PEBP4: variants seen among roughly 807,000 people sequenced by gnomAD.
The protein encoded by PEBP4 is phosphatidylethanolamine binding protein 4.
In PEBP4, 22 loss-of-function variants were observed where a neutral mutation model predicts 23.9. The ratio of observed to expected loss-of-function variants is 0.92; its 90% CI spans 0.66 to 1.31. The LOEUF is 1.31. PEBP4 is among the 40% of genes most tolerant of loss of function. PEBP4 has a pLI of 0.00. For synonymous variants in PEBP4, 112 were observed against 99.3 expected (o/e 1.13, Z -0.76); for missense variants, 324 against 281.7 (o/e 1.15, Z -1.07).
At chr8:22,841,229 G>A (rs569304918) in intron 3 of PEBP4, among the ~76,000 whole-genome samples, 40 of 152,394 alleles carry the variant, frequency 2.6e-4, no homozygotes, top group Non-Finnish European at 5.0e-4. Flanking sequence ...GTCTGACTGC[G>A]AAGCAGCGGC....
rs185615666 is a variant in PEBP4 at position 22,753,872 on chromosome 8, C to T, written c.358-26652G>A. ...ATGGGCTACCGCCTGGACAGCTGTG[C>T]GGGGAACAGAGCACATCTGTCTGGG... On this transcript the variant is annotated intron_variant, in intron 4 of 6. Coordinates refer to ENST00000256404, the MANE Select transcript of PEBP4 (RefSeq NM_144962.3). Among the ~76,000 whole-genome samples, 107 of 152,284 alleles carry T rather than the reference C, an allele frequency of 7.0e-4. 1 individual carries two copies. Among genetic ancestry groups the T allele is most frequent in the African/African-American group, 2.4e-3 (101 of 41,554 alleles).
intron 3 of PEBP4, among the ~76,000 whole-genome samples, chr8:22,888,677 A>C (rs377083776): frequency 3.3e-5 from 5 of 152,304 alleles, no homozygotes; most frequent in African/African-American, 9.6e-5. Flanking sequence ...CATTAATTTC[A>C]TGCTATTCCT....
At position 22,724,746 on chromosome 8, in the gene PEBP4, T is replaced by TG. The variant is rs552602422; in HGVS notation, c.517+96dup. ...GACCCCAGTCTCCAAGGCTCATGAG[T>TG]GGGGGTCAAGGCCCCAATTTCCCCG... On this transcript the variant is annotated intron_variant, in intron 6 of 6. Coordinates refer to ENST00000256404, the MANE Select transcript of PEBP4 (RefSeq NM_144962.3). 1,670 of 878,368 alleles carry TG rather than the reference T, an allele frequency of 1.9e-3. 12 individuals carry two copies. The African/African-American group carries it at 0.023, about 12-fold the overall frequency. 54.4% of individuals were successfully genotyped at this position (878,368 alleles called of 1,614,324 possible).
At chr8:22,786,763 A>C (rs1278138775) in intron 4 of PEBP4, among the ~76,000 whole-genome samples, 1 of 151,790 alleles carries the variant, frequency 6.6e-6, no homozygotes, top group Non-Finnish European at 1.5e-5. Context: ...CATGCCAGGG[A>C]GTGAGGGATT....
chr8:22,784,695 T>G (rs1182888405), intron 4 of PEBP4, among the ~76,000 whole-genome samples: 6 of 152,168 alleles, frequency 3.9e-5, no homozygotes, highest in Non-Finnish European at 7.4e-5. Flanking sequence ...TTGTGACAAG[T>G]TATTAGCCCT....
At chr8:22,827,128 A>G (rs1285916902) in intron 3 of PEBP4, among the ~76,000 whole-genome samples, 2 of 152,214 alleles carry the variant, frequency 1.3e-5, no homozygotes. Context: ...AGCAAGGTGT[A>G]GGAAGCCACA....
intron 3 of PEBP4, among the ~76,000 whole-genome samples, chr8:22,919,562 C>A (rs1282124055): frequency 6.6e-6 from 1 of 152,136 alleles, no homozygotes; most frequent in Non-Finnish European, 1.5e-5. Flanking sequence ...CTTTCCAGAC[C>A]CCTAAATGTA....
At chr8:22,882,958 G>C (rs1808294735) in intron 3 of PEBP4, among the ~76,000 whole-genome samples, 2 of 152,130 alleles carry the variant, frequency 1.3e-5, no homozygotes, top group Admixed American at 1.3e-4. Flanking sequence ...TCCTACTCAG[G>C]TTTTTCCCTA....
chr8:22,727,300 C>T (rs1804638535), intron 4 of PEBP4, 80 bp from the exon 5 acceptor site: 3 of 1,397,692 alleles, frequency 2.1e-6, no homozygotes, highest in East Asian at 2.3e-5. Context: ...GATTGCTTCT[C>T]TCTCTGCAGG....
intron 6 of PEBP4, among the ~76,000 whole-genome samples, chr8:22,723,572 C>T (rs776601802): frequency 2.7e-4 from 41 of 152,176 alleles, no homozygotes; most frequent in African/African-American, 7.2e-4. Context: ...GCTGAGGTCC[C>T]GACATCTTTG....
At chr8:22,743,099 C>A (rs1309338136) in intron 4 of PEBP4, among the ~76,000 whole-genome samples, 1 of 152,186 alleles carries the variant, frequency 6.6e-6, no homozygotes, top group Non-Finnish European at 1.5e-5. Flanking sequence ...AGTGCCCAGG[C>A]CTCTTATGCC....
chr8:22,898,391 C>CAAAAAAAAAAAAAAAAAAAAAAAAAAAA lies in PEBP4; in HGVS notation c.258+21765_258+21792dup, dbSNP rs536993520. On this transcript the variant is annotated intron_variant, in intron 3 of 6. Transcript: ENST00000256404. Reference sequence around the variant, plus strand: ...TGAGCGACAGAGGAAGACTCCACCCCAAAAAAAAAAAAAAAAAAAAAAAAA... The same window carrying CAAAAAAAAAAAAAAAAAAAAAAAAAAAA: ...TGAGCGACAGAGGAAGACTCCACCCCAAAAAAAAAAAAAAAAAAAAAAAAAAAAAAAAAAAAAAAAAAAAAAAAAAAAA... Among the ~76,000 whole-genome samples, 5 of 7,960 alleles carry CAAAAAAAAAAAAAAAAAAAAAAAAAAAA rather than the reference C, an allele frequency of 6.3e-4. 2 individuals are homozygous for CAAAAAAAAAAAAAAAAAAAAAAAAAAAA. Among genetic ancestry groups the CAAAAAAAAAAAAAAAAAAAAAAAAAAAA allele is most frequent in the Admixed American group, 3.1e-3 (2 of 652 alleles). 5.2% of individuals were successfully genotyped at this position (7,960 alleles called of 152,430 possible).
intron 2 of PEBP4, among the ~76,000 whole-genome samples, chr8:22,921,478 G>A (rs1024142031): frequency 2.3e-4 from 35 of 152,246 alleles, no homozygotes; most frequent in African/African-American, 7.5e-4. Context: ...TAGGCCAAGA[G>A]CAGCTTCCTG....
intron 3 of PEBP4, among the ~76,000 whole-genome samples, chr8:22,908,215 G>A (rs1808855765): frequency 6.6e-6 from 1 of 152,030 alleles, no homozygotes. Flanking sequence ...GGAAATCGTT[G>A]TTATGTGGAT....
intron 3 of PEBP4, among the ~76,000 whole-genome samples, chr8:22,851,934 G>A (rs746556034): frequency 4.0e-4 from 61 of 152,144 alleles, no homozygotes; most frequent in Non-Finnish European, 2.8e-4. Flanking sequence ...TGACCCCAGC[G>A]CCCAGCTGAG....
In PEBP4 at chr8:22,775,960, G is replaced by A. The variant is rs760999378; in HGVS notation, c.357+41677C>T. ...CCAGGGTGGTCTGGGCTCACCCCTG[G>A]AACAATGGGGGTTGCAGATGCACAC... On this transcript the variant is annotated intron_variant, in intron 4 of 6. Transcript: ENST00000256404. This position sits in a 1 kb window ranked among gnomAD's most constrained non-coding sequence, Gnocchi z 4.8. Among the ~76,000 whole-genome samples, 5 of 152,064 alleles carry A rather than the reference G, an allele frequency of 3.3e-5. No homozygotes were observed. The highest frequency in any genetic ancestry group is 2.1e-4 in the South Asian group (1 of 4,812).
chr8:22,890,481 A>G (rs1290102258), intron 3 of PEBP4, among the ~76,000 whole-genome samples: 1 of 152,236 alleles, frequency 6.6e-6, no homozygotes, highest in Non-Finnish European at 1.5e-5. Flanking sequence ...TGCATTCTCC[A>G]TTCTCCATTA....
intron 3 of PEBP4, among the ~76,000 whole-genome samples, chr8:22,879,656 G>A (rs1808202750): frequency 6.6e-6 from 1 of 152,214 alleles, no homozygotes; most frequent in East Asian, 1.9e-4. Context: ...AGGGTCGAGG[G>A]TCGGGGAGGA....
chr8:22,905,283 T>A (rs892826873), intron 3 of PEBP4, among the ~76,000 whole-genome samples: 75 of 147,862 alleles, frequency 5.1e-4, no homozygotes, highest in Middle Eastern at 3.5e-3. Context: ...TCCTTTTTTT[T>A]TAAAAAAAAA....
Sources: allele counts gnomAD v4.1 joint callset (sites outside exome capture counted in the v4.1 genomes callset), GRCh38; gene constraint gnomAD v4.1.1; non-coding constraint Gnocchi (gnomAD v3.1); transcripts MANE v1.5; gene names NCBI Gene and HGNC (gene_info 2026-07-23, HGNC 2026-07-21).